Variants in STIL observed in about 807,000 individuals in gnomAD.
STIL encodes the protein STIL centriolar assembly protein.
In STIL, 55 loss-of-function variants were observed where a neutral mutation model predicts 110.1. That is an observed-to-expected ratio of 0.50 (90% CI 0.40 to 0.63). The LOEUF (loss-of-function observed/expected upper bound fraction) is 0.63, where lower values mean the gene tolerates loss of function less well. STIL is among the 20% of genes least tolerant of loss of function. STIL has a pLI of 0.00. For synonymous variants in STIL, 481 were observed against 530.0 expected (o/e 0.91, Z 1.27); for missense variants, 1,358 against 1,530.0 (o/e 0.89, Z 1.87).
chr1:47,285,833 C>G (rs1645281764), intron 10 of STIL, among the ~76,000 whole-genome samples: 1 of 151,874 alleles, frequency 6.6e-6, no homozygotes, highest in African/African-American at 2.4e-5. Context: ...AATTAATATT[C>G]TTCAAGTGTG....
chr1:47,295,548 C>A (rs1645618312), intron 7 of STIL, among the ~76,000 whole-genome samples: 2 of 152,030 alleles, frequency 1.3e-5, no homozygotes, highest in Admixed American at 1.3e-4. Flanking sequence ...CCACTGCACT[C>A]CAGTCTGGGC....
intron 1 of STIL, 98 bp from the exon 2 acceptor site, chr1:47,310,460 T>G (rs1646090620): frequency 1.4e-6 from 1 of 703,256 alleles, no homozygotes; most frequent in African/African-American, 1.8e-5. Flanking sequence ...ATTAGATTAC[T>G]TATATGAAGT....
In STIL at chr1:47,287,752, T is replaced by A. The variant is rs12239246; in HGVS notation, c.1024-92A>T. ...TGAAAAGTAGCTCTGAAACACTAGA[T>A]GATGGAGTGGCAGACTTCTGATTTC... On this transcript the variant is annotated intron_variant, in intron 9 of 16. Transcript: ENST00000371877. 13,915 of 965,316 alleles carry A rather than the reference T, an allele frequency of 0.014. 1,274 individuals are homozygous for A. The African/African-American group carries it at 0.2, about 14-fold the overall frequency. 59.8% of individuals were successfully genotyped at this position (965,316 alleles called of 1,614,324 possible). A position where few individuals can be genotyped will look rare whatever the true frequency, so the allele number is the denominator to read the frequency against.
At chr1:47,309,609 GA>G (rs918915368) in intron 2 of STIL, among the ~76,000 whole-genome samples, 11 of 151,172 alleles carry the variant, frequency 7.3e-5, no homozygotes, top group Non-Finnish European at 1.5e-4. Context: ...TGGTTTGGAA[GA>G]AAAAAAAATT....
chr1:47,290,676 C>T (rs952491157), intron 8 of STIL, among the ~76,000 whole-genome samples: 5 of 150,934 alleles, frequency 3.3e-5, no homozygotes, highest in Non-Finnish European at 5.9e-5. Flanking sequence ...GCACTCCAGC[C>T]CGGGCAACAG....
chr1:47,251,752 G>A lies in STIL; in HGVS notation c.3251C>T (p.Thr1084Ile), dbSNP rs200477940. Residue 1084 changes from threonine to isoleucine, a missense_variant, in exon 17 of 17, where the codon ACT (threonine) becomes ATT (isoleucine). Transcript: ENST00000371877. ...NENQLSQLSV[T>I]RSNQNNCDPF... ...GTCACAATTATTTTGGTTCGATCGA[G>A]TGACAGACAGTTGTGACAGCTGATT... 30 of 1,613,946 alleles carry A rather than the reference G, an allele frequency of 1.9e-5. No individual in the cohort carries two copies. Among genetic ancestry groups the A allele is most frequent in the Non-Finnish European group, 2.5e-5 (29 of 1,180,032 alleles).
chr1:47,265,237 C>CA (rs61666574), intron 14 of STIL, among the ~76,000 whole-genome samples: 2,398 of 51,372 alleles, frequency 0.047, 101 homozygotes, highest in African/African-American at 0.11. Context: ...CTCCATCTCC[C>CA]AAAAAAAAAA....
intron 2 of STIL, chr1:47,305,253 G>A (rs998246919): frequency 1.1e-5 from 4 of 380,648 alleles, no homozygotes; most frequent in Non-Finnish European, 1.9e-5. Flanking sequence ...AGCTTCCTGA[G>A]TAGCTGAGAT....
intron 10 of STIL, chr1:47,283,809 A>G (rs1570169861): frequency 6.7e-6 from 1 of 149,436 alleles, no homozygotes; most frequent in African/African-American, 2.4e-5. Flanking sequence ...GAGTTGTGGC[A>G]TGGAATTAAT....
At position 47,281,139 on chromosome 1, in the gene STIL, G is replaced by A. The variant is rs905929768; in HGVS notation, c.1319C>T (p.Pro440Leu). 12 of 1,613,936 alleles carry A rather than the reference G, an allele frequency of 7.4e-6. No homozygotes were observed. Among genetic ancestry groups the A allele is most frequent in the Non-Finnish European group, 1.0e-5 (12 of 1,180,016 alleles). ...VLDGNFIESNPLPTPLEMVNN... is the reference protein window; with the variant it reads ...VLDGNFIESNLLPTPLEMVNN... ...CACCATTTCCAATGGAGTAGGCAGA[G>A]GGTTTGATTCTATGAAATTGCCATC... Residue 440 changes from proline (P) to leucine (L), a missense_variant, in exon 12 of 17, where the codon CCT becomes CTT. Pro to Leu is a moderately conservative substitution (Grantham distance 98, BLOSUM62 -3). Transcript: ENST00000371877.
intron 2 of STIL, among the ~76,000 whole-genome samples, chr1:47,307,058 C>T (rs1645980025): frequency 6.6e-6 from 1 of 152,042 alleles, no homozygotes; most frequent in African/African-American, 2.4e-5. Flanking sequence ...GGCTGAGGCA[C>T]GAGAATCACT....
intron 12 of STIL, among the ~76,000 whole-genome samples, chr1:47,273,152 C>T (rs1644889833): frequency 6.6e-6 from 1 of 152,114 alleles, no homozygotes; most frequent in Non-Finnish European, 1.5e-5. Flanking sequence ...TAACAAGTAG[C>T]AAATCTGAAA....
At chr1:47,282,702 T>C (rs1219697704) in intron 10 of STIL, 1 of 440,158 alleles carries the variant, frequency 2.3e-6, no homozygotes, top group African/African-American at 2.0e-5. Flanking sequence ...GTATTGTTAA[T>C]GTCACAATAA....
At chr1:47,278,121 C>G (rs1398781639) in intron 12 of STIL, among the ~76,000 whole-genome samples, 1 of 152,094 alleles carries the variant, frequency 6.6e-6, no homozygotes, top group East Asian at 1.9e-4. Flanking sequence ...AGTTTTACTT[C>G]TAGGAATCTA....
Position 47,302,436 on chromosome 1 carries a change from C to A in STIL, c.153-90G>T. ...AAAATGCTGTCTAAATTATAACACA[C>A]ATTTTTAAAAATGTACAGAAAGATC... On this transcript the variant is annotated intron_variant, in intron 3 of 16. Coordinates refer to ENST00000371877, the MANE Select transcript of STIL (RefSeq NM_001048166.1). 3 of 995,320 alleles carry A rather than the reference C, an allele frequency of 3.0e-6. No homozygotes were observed. The South Asian group carries it at 4.0e-5, about 13-fold the overall frequency. 61.7% of individuals were successfully genotyped at this position (995,320 alleles called of 1,614,324 possible). A position where few individuals can be genotyped will look rare whatever the true frequency, so the allele number is the denominator to read the frequency against.
intron 12 of STIL, among the ~76,000 whole-genome samples, chr1:47,279,514 A>G (rs1645089372): frequency 1.3e-5 from 2 of 152,052 alleles, no homozygotes; most frequent in African/African-American, 4.8e-5. Flanking sequence ...TAATTAAGAC[A>G]AAGAACTCCG....
intron 12 of STIL, among the ~76,000 whole-genome samples, chr1:47,275,660 T>C (rs1447407775): frequency 6.6e-6 from 1 of 152,092 alleles, no homozygotes; most frequent in African/African-American, 2.4e-5. Context: ...GATCTTACTC[T>C]GTCGCCTAGG....
chr1:47,260,009 T>C (rs538815489), intron 16 of STIL, among the ~76,000 whole-genome samples: 11 of 152,256 alleles, frequency 7.2e-5, no homozygotes, highest in Non-Finnish European at 1.6e-4. Flanking sequence ...AAGTATTTTG[T>C]TGGCCTATCC....
chr1:47,302,095 T>C, intron 4 of STIL, 139 bp downstream of exon 4: 1 of 680,258 alleles, frequency 1.5e-6, no homozygotes, highest in South Asian at 1.7e-5. Context: ...TAAAAAAATG[T>C]TTTCTTGTAC....
Sources: gnomAD v4.1 joint callset for allele counts (sites outside exome capture counted in the v4.1 genomes callset) on GRCh38, gnomAD v4.1.1 for gene constraint, MANE v1.5 for transcripts, NCBI Gene and HGNC (gene_info 2026-07-23, HGNC 2026-07-21) for gene names.